The following CCDC171 variants were observed in gnomAD, a reference collection of about 807,000 sequenced individuals.
CCDC171 encodes the protein coiled-coil domain-containing protein 171.
In CCDC171, 177 loss-of-function variants were observed where a neutral mutation model predicts 168.2. The ratio of observed to expected loss-of-function variants is 1.05; its 90% CI spans 0.93 to 1.19. The LOEUF (loss-of-function observed/expected upper bound fraction) is 1.19. Among genes scored for constraint, CCDC171 ranks in the 50% most tolerant of loss-of-function variants. The pLI is 0.00. For synonymous variants in CCDC171, 687 were observed against 540.8 expected (o/e 1.27, Z -3.75); for missense variants, 1,991 against 1,539.0 (o/e 1.29, Z -4.91).
intron 7 of CCDC171, among the ~76,000 whole-genome samples, chr9:15,648,837 G>C (rs1427590311): frequency 6.6e-6 from 1 of 152,122 alleles, no homozygotes; most frequent in East Asian, 1.9e-4. Flanking sequence ...GTAATTTATT[G>C]ATTCAATGCC....
At chr9:15,922,591 TG>T (rs1413749692) in intron 25 of CCDC171, among the ~76,000 whole-genome samples, 1 of 151,608 alleles carries the variant, frequency 6.6e-6, no homozygotes, top group East Asian at 1.9e-4. Context: ...TATACCCAGT[TG>T]TGGGATTGCT....
At chr9:15,720,973 C>A (rs561545063) in intron 11 of CCDC171, among the ~76,000 whole-genome samples, 1 of 152,156 alleles carries the variant, frequency 6.6e-6, no homozygotes, top group Admixed American at 6.5e-5. Flanking sequence ...TTTGAATCAA[C>A]AATCAATTTA....
chr9:15,933,495 G>C (rs1366031017), intron 25 of CCDC171, among the ~76,000 whole-genome samples: 2 of 151,464 alleles, frequency 1.3e-5, no homozygotes, highest in Non-Finnish European at 2.9e-5. Flanking sequence ...ATTTTTCTTA[G>C]TCTCTACTTT....
At chr9:15,770,369 T>C (rs1462622146) in intron 18 of CCDC171, among the ~76,000 whole-genome samples, 1 of 152,188 alleles carries the variant, frequency 6.6e-6, no homozygotes, top group African/African-American at 2.4e-5. Context: ...CTTAAAATAT[T>C]TTGAAAACTA....
At chr9:15,975,080 TA>T (rs1196110576), downstream of CCDC171, among the ~76,000 whole-genome samples, 1 of 152,156 alleles carries the variant, frequency 6.6e-6, no homozygotes, top group Non-Finnish European at 1.5e-5. Context: ...GTGCACTTTT[TA>T]TAGACAAGTT....
At chr9:15,666,489 A>G (rs1405970972) in intron 9 of CCDC171, among the ~76,000 whole-genome samples, 166 bp downstream of exon 9, 3 of 152,204 alleles carry the variant, frequency 2.0e-5, no homozygotes, top group Non-Finnish European at 4.4e-5. Flanking sequence ...TGTATAGGTA[A>G]AAATGGAAAT....
At chr9:15,770,646 T>G (rs1009521792) in intron 18 of CCDC171, among the ~76,000 whole-genome samples, 2 of 152,294 alleles carry the variant, frequency 1.3e-5, no homozygotes, top group African/African-American at 4.8e-5. Flanking sequence ...GTGTTACATG[T>G]CCCCTCTCTC....
intron 25 of CCDC171, among the ~76,000 whole-genome samples, chr9:15,959,017 T>A (rs549005466): frequency 1.3e-5 from 2 of 152,274 alleles, no homozygotes; most frequent in South Asian, 4.1e-4. Flanking sequence ...CTTCACTCTC[T>A]GTGAGTTTAT....
intron 21 of CCDC171, among the ~76,000 whole-genome samples, chr9:15,820,697 A>G (rs2059735388): frequency 8.5e-6 from 1 of 117,502 alleles, no homozygotes; most frequent in African/African-American, 3.2e-5. Context: ...AATAATTAAT[A>G]GCTTACCAAC....
intron 2 of CCDC171, among the ~76,000 whole-genome samples, chr9:15,569,527 A>G (rs1435964696): frequency 6.6e-6 from 1 of 151,994 alleles, no homozygotes; most frequent in Non-Finnish European, 1.5e-5. Flanking sequence ...AAAATTTTCT[A>G]TTTTTCGGCC....
intron 21 of CCDC171, among the ~76,000 whole-genome samples, chr9:15,799,630 C>T (rs558909682): frequency 2.0e-5 from 3 of 152,176 alleles, no homozygotes; most frequent in African/African-American, 7.2e-5. Context: ...TCCAATTATA[C>T]TCTTTCAGTT....
At chr9:15,954,596 A>C (rs1829583508) in intron 25 of CCDC171, among the ~76,000 whole-genome samples, 1 of 150,844 alleles carries the variant, frequency 6.6e-6, no homozygotes, top group South Asian at 2.1e-4. Context: ...GACTCTGTTC[A>C]CTTTTCTTCG....
intron 18 of CCDC171, among the ~76,000 whole-genome samples, chr9:15,754,298 T>A (rs537165671): frequency 9.2e-5 from 14 of 152,168 alleles, no homozygotes; most frequent in African/African-American, 3.4e-4. Flanking sequence ...TATCTAGTTA[T>A]CAGTTGTGTG....
At chr9:16,001,479 G>A (rs999896220) in intron 3 of CCDC171, among the ~76,000 whole-genome samples, 24 of 152,052 alleles carry the variant, frequency 1.6e-4, no homozygotes, top group Non-Finnish European at 1.0e-4. Context: ...GTGGGCGGGG[G>A]TAGGGAGTTA....
chr9:15,587,485 G>A (rs1342720759), intron 4 of CCDC171: 1 of 364,234 alleles, frequency 2.7e-6, no homozygotes, highest in Non-Finnish European at 5.5e-6. Context: ...CCCCAGCCAT[G>A]TGAAACTGTA....
In CCDC171 at chr9:15,990,880, C is replaced by A. The variant is rs146486091; in HGVS notation, n.369-29709C>A. 5.2e-3 allele frequency among the ~76,000 whole-genome samples: 792 copies of A among 152,286 alleles called. 8 individuals are homozygous for A. The highest frequency in any genetic ancestry group is 0.019 in the African/African-American group (773 of 41,566). ...CAATTCAACAAGAAGAGCTAGGTAT[C>A]CTAAATATATATGCACCCAATACAG... is the stretch of plus-strand genomic sequence containing the variant. On this transcript the variant is annotated intron_variant and non_coding_transcript_variant, in intron 3 of 9. Transcript: ENST00000486641.
chr9:15,912,456 G>A (rs143795849), intron 24 of CCDC171, among the ~76,000 whole-genome samples: 1 of 152,160 alleles, frequency 6.6e-6, no homozygotes, highest in East Asian at 1.9e-4. Context: ...GGACTGAGAC[G>A]ATGGGGTTTT....
At chr9:15,621,515 AT>A (rs1370583582) in intron 6 of CCDC171, among the ~76,000 whole-genome samples, 1 of 152,166 alleles carries the variant, frequency 6.6e-6, no homozygotes, top group African/African-American at 2.4e-5. Flanking sequence ...AAGAGTTCAT[AT>A]ATAGCCTGCT....
chr9:15,807,764 A>G (rs935985771), intron 21 of CCDC171, among the ~76,000 whole-genome samples: 3 of 150,982 alleles, frequency 2.0e-5, no homozygotes, highest in African/African-American at 7.3e-5. Flanking sequence ...CCTCTCCAGA[A>G]CTCTGTACTA....
Sources: gnomAD v4.1 joint callset for allele counts (sites outside exome capture counted in the v4.1 genomes callset) on GRCh38, gnomAD v4.1.1 for gene constraint, MANE v1.5 for transcripts, NCBI Gene and HGNC (gene_info 2026-07-23, HGNC 2026-07-21) for gene names.